The following DHX9 variants were observed in gnomAD, a reference collection of about 807,000 sequenced individuals.
DHX9 encodes the protein ATP-dependent RNA helicase A.
A neutral mutation model predicts 148.7 loss-of-function variants in DHX9; 27 were observed. The observed-to-expected ratio is 0.18, with a 90% CI of 0.13 to 0.25. The LOEUF (loss-of-function observed/expected upper bound fraction) is 0.25. Ranked by LOEUF, DHX9 falls within the 10% of genes least tolerant of loss-of-function variation. The pLI is 1.00. For synonymous variants in DHX9, 529 were observed against 516.6 expected, an observed-to-expected ratio of 1.02 and a Z score of -0.33; for missense variants, 796 against 1,559.6, an observed-to-expected ratio of 0.51 and a Z score of 8.25.
At chr1:182,864,891 A>T (rs1648220892) in intron 12 of DHX9, among the ~76,000 whole-genome samples, 1 of 152,192 alleles carries the variant, frequency 6.6e-6, no homozygotes, top group Non-Finnish European at 1.5e-5. Context: ...TGAGAAACTG[A>T]CCATCTCCTG....
At chr1:182,883,479 G>A (rs1398938442) in intron 25 of DHX9, 41 bp from the exon 26 acceptor site, 1 of 1,590,766 alleles carries the variant, frequency 6.3e-7, no homozygotes, top group African/African-American at 1.3e-5. Flanking sequence ...TTGGAAGTTG[G>A]AATGTCAACC....
At chr1:182,853,891 T>A in intron 5 of DHX9, 139 bp from the exon 6 acceptor site, 2 of 736,906 alleles carry the variant, frequency 2.7e-6, no homozygotes, top group Admixed American at 5.2e-5. Flanking sequence ...TCTGGTTCAG[T>A]TTTTGACTAG....
At chr1:182,858,692 G>T (rs758179634) in intron 9 of DHX9, 41 bp from the exon 10 acceptor site, 1 of 1,612,528 alleles carries the variant, frequency 6.2e-7, no homozygotes, top group South Asian at 1.1e-5. Flanking sequence ...CCGTAGACAA[G>T]CAAATCATAT....
At chr1:182,850,321 G>A (rs73063086) in intron 3 of DHX9, among the ~76,000 whole-genome samples, 5,820 of 152,106 alleles carry the variant, frequency 0.038, 342 homozygotes, top group African/African-American at 0.13. Flanking sequence ...GAAAAATGGC[G>A]TGGTGGCTCA....
chr1:182,868,167 T>C (rs1327695474), intron 14 of DHX9, among the ~76,000 whole-genome samples: 1 of 152,152 alleles, frequency 6.6e-6, no homozygotes, highest in Non-Finnish European at 1.5e-5. Flanking sequence ...TCATAAGTCA[T>C]AAAATTGAAT....
At chr1:182,859,603 G>A (rs539525589) in intron 11 of DHX9, among the ~76,000 whole-genome samples, 8 of 152,014 alleles carry the variant, frequency 5.3e-5, no homozygotes, top group Non-Finnish European at 1.2e-4. Flanking sequence ...AGAGATGGAA[G>A]TTTGGTTTTT....
At chr1:182,886,395 C>T (rs1379329788) in intron 27 of DHX9, among the ~76,000 whole-genome samples, 1 of 151,924 alleles carries the variant, frequency 6.6e-6, no homozygotes, top group African/African-American at 2.4e-5. Context: ...AGGGTTTTGC[C>T]ATGTTGCCCA....
chr1:182,869,464 G>A (rs1451578487), intron 14 of DHX9, among the ~76,000 whole-genome samples: 1 of 152,098 alleles, frequency 6.6e-6, no homozygotes, highest in African/African-American at 2.4e-5. Context: ...ATGCTGACCA[G>A]TCTTACCCGG....
chr1:182,859,717 A>G (rs1007082916), intron 11 of DHX9, among the ~76,000 whole-genome samples: 2 of 152,056 alleles, frequency 1.3e-5, no homozygotes, highest in African/African-American at 2.4e-5. Flanking sequence ...GGTTCAAGCA[A>G]TTCTCCTGCC....
At position 182,880,615 on chromosome 1, in the gene DHX9, G is replaced by T. The variant is rs373611876; in HGVS notation, c.2624+7G>T. 1.2e-5 allele frequency: 19 copies of T among 1,562,920 alleles called. No homozygotes were observed. The highest frequency in any genetic ancestry group is 6.7e-5 in the Admixed American group (4 of 59,494). ...TAATGGGGTGTATTTTCTAGTAAGTGCTTTGTTTTATTTCTCTTCGTTAAG... is the reference window on the plus strand; with the variant it reads ...TAATGGGGTGTATTTTCTAGTAAGTTCTTTGTTTTATTTCTCTTCGTTAAG... On this transcript the variant is annotated splice_region_variant and intron_variant, in intron 22 of 27. Coordinates refer to ENST00000367549, the MANE Select transcript of DHX9 (RefSeq NM_001357.5).
chr1:182,887,743 C>A lies in DHX9; in HGVS notation c.*309C>A. ...TAATACAATAGAAAATAAAGTATTA[C>A]ACCGAATACTTGCCGTGTAGTTTGT... On this transcript the variant is annotated 3_prime_UTR_variant, in exon 28 of 28. Transcript: ENST00000367549. The A allele has an allele frequency of 3.7e-6, 1 of 267,832 alleles. No individual in the cohort carries two copies. The highest frequency in any genetic ancestry group is 7.2e-6 in the Non-Finnish European group (1 of 139,154). 16.6% of individuals were successfully genotyped at this position (267,832 alleles called of 1,614,324 possible). A position where few individuals can be genotyped will look rare whatever the true frequency, so the allele number is the denominator to read the frequency against.
At chr1:182,846,670 T>G (rs1159341269) in intron 3 of DHX9, among the ~76,000 whole-genome samples, 1 of 152,248 alleles carries the variant, frequency 6.6e-6, no homozygotes, top group Non-Finnish European at 1.5e-5. Context: ...CTGTTATTTT[T>G]GGTTTTTAGT....
Position 182,883,561 on chromosome 1 carries a change from C to T in DHX9, c.3186C>T (p.Val1062=). Residue 1062 remains valine (V), a synonymous_variant, in exon 26 of 28, where the codon GTC becomes GTT. Transcript: ENST00000367549. ...RAISAKGMTL[V]TPLQLLLFAS... is the part of the protein sequence containing the mutation. ...TCTCTGCTAAAGGCATGACTTTAGTCACCCCCCTGCAGTTGCTTCTCTTTG... is the reference window on the plus strand; with the variant it reads ...TCTCTGCTAAAGGCATGACTTTAGTTACCCCCCTGCAGTTGCTTCTCTTTG... 1 of 1,613,658 alleles carries T rather than the reference C, an allele frequency of 6.2e-7. No individual in the cohort carries two copies. The highest frequency in any genetic ancestry group is 1.1e-5 in the South Asian group (1 of 91,056).
At position 182,879,234 on chromosome 1, in the gene DHX9, G is replaced by C; in HGVS notation, c.2352-16G>C. On this transcript the variant is annotated splice_polypyrimidine_tract_variant and intron_variant, in intron 20 of 27. Transcript: ENST00000367549. Reference sequence around the variant, plus strand: ...TACACAAGGAGGATGGTTATTTTATGCTTATTTTCTCTTAGACTTGAAACC... The same window carrying C: ...TACACAAGGAGGATGGTTATTTTATCCTTATTTTCTCTTAGACTTGAAACC... 1 of 1,452,762 alleles carries C rather than the reference G, an allele frequency of 6.9e-7. No individual in the cohort carries two copies. Among genetic ancestry groups the C allele is most frequent in the East Asian group, 2.4e-5 (1 of 42,060 alleles). The allele number at this position is 1,452,762 out of a possible 1,614,324, so 90.0% of individuals were successfully genotyped here. A position where few individuals can be genotyped will look rare whatever the true frequency, so the allele number is the denominator to read the frequency against.
chr1:182,876,926 T>C (rs889032298), intron 19 of DHX9, 23 bp downstream of exon 19: 2 of 1,574,012 alleles, frequency 1.3e-6, no homozygotes, highest in Non-Finnish European at 1.7e-6. Context: ...GAAACCTATT[T>C]GTCTGCTCCA....
At chr1:182,877,870 T>C in intron 19 of DHX9, 151 bp from the exon 20 acceptor site, 1 of 854,086 alleles carries the variant, frequency 1.2e-6, no homozygotes, top group Non-Finnish European at 1.7e-6. Flanking sequence ...TGCAGTCAGA[T>C]TGCTGATTCT....
chr1:182,853,987 C>G, intron 5 of DHX9, 43 bp from the exon 6 acceptor site: 6 of 1,591,618 alleles, frequency 3.8e-6, no homozygotes, highest in Non-Finnish European at 5.1e-6. Context: ...GTTTGTATAC[C>G]TAAACTTAAC....
At position 182,878,157 on chromosome 1, in the gene DHX9, C is replaced by G. The variant is rs1159239742; in HGVS notation, c.2335C>G (p.Arg779Gly). 2 of 1,614,042 alleles carry G rather than the reference C, an allele frequency of 1.2e-6. No individual in the cohort carries two copies. The highest frequency in any genetic ancestry group is 2.7e-5 in the African/African-American group (2 of 74,938). Residue 779 changes from arginine (R) to glycine (G), a missense_variant, in exon 20 of 28, where the codon CGA (arginine) becomes GGA (glycine). By Grantham distance (125) the Arg-to-Gly change is moderately radical. Around this residue, in one of 14 missense-constraint regions of DHX9, gnomAD observed 122 missense variants for 289.3 expected, o/e 0.42. Transcript: ENST00000367549. ...RPGFCFHLCS[R>G]ARFERLETHM... ...TGGATTCTGCTTTCACCTGTGCAGCCGAGCTCGTTTTGAGAGGTAAGACCC... is the reference window on the plus strand; with the variant it reads ...TGGATTCTGCTTTCACCTGTGCAGCGGAGCTCGTTTTGAGAGGTAAGACCC...
At chr1:182,842,353 A>T (rs1278717820) in intron 1 of DHX9, among the ~76,000 whole-genome samples, 192 bp from the exon 2 acceptor site, 1 of 152,172 alleles carries the variant, frequency 6.6e-6, no homozygotes, top group Non-Finnish European at 1.5e-5. Context: ...TGAAGTTCAA[A>T]TCATACCGTT....
Sources: gnomAD v4.1 joint callset for allele counts (sites outside exome capture counted in the v4.1 genomes callset) on GRCh38, gnomAD v4.1.1 for gene constraint, gnomAD v4.1.1 regional missense constraint, MANE v1.5 for transcripts, NCBI Gene and HGNC (gene_info 2026-07-23, HGNC 2026-07-21) for gene names.